The following MIS18BP1 variants were observed in gnomAD, a reference collection of about 807,000 sequenced individuals.
MIS18BP1 encodes the protein mis18-binding protein 1.
Under a neutral mutation model 116.1 loss-of-function variants are expected in MIS18BP1, and 72 were observed. The ratio of observed to expected loss-of-function variants is 0.62; its 90% CI spans 0.51 to 0.75. The LOEUF is 0.75. MIS18BP1 is among the 30% of genes least tolerant of loss of function. MIS18BP1 has a pLI of 0.00. For synonymous variants in MIS18BP1, 386 were observed against 427.0 expected, an observed-to-expected ratio of 0.90 and a Z score of 1.18; for missense variants, 1,363 against 1,303.2, an observed-to-expected ratio of 1.05 and a Z score of -0.71.
intron 13 of MIS18BP1, among the ~76,000 whole-genome samples, chr14:45,215,936 C>T (rs544954454): frequency 6.6e-6 from 1 of 151,864 alleles, no homozygotes; most frequent in Admixed American, 6.6e-5. Flanking sequence ...GATCTCCTGA[C>T]CTCGTGATCT....
intron 4 of MIS18BP1, among the ~76,000 whole-genome samples, chr14:45,241,027 G>A (rs561401436): frequency 2.0e-5 from 3 of 152,284 alleles, no homozygotes; most frequent in East Asian, 1.9e-4. Flanking sequence ...AATTTAGATG[G>A]CTACAAGGGA....
chr14:45,226,184 A>G (rs1475059843), intron 10 of MIS18BP1, among the ~76,000 whole-genome samples: 1 of 152,204 alleles, frequency 6.6e-6, no homozygotes, highest in Non-Finnish European at 1.5e-5. Flanking sequence ...CTTAAACCGA[A>G]TATGAACTCG....
Position 45,242,201 on chromosome 14 carries a change from C to T in MIS18BP1, c.976G>A (p.Val326Met). 6.2e-7 allele frequency: 1 copy of T among 1,614,110 alleles called. No individual in the cohort carries two copies. ...CCTGGAAGACCTGTCTCTCCAGGCA[C>T]TGTTTTTCCATTTCCTTCCTTAACT... ...QKVKEGNGKT[V>M]PGETGLPGSM... Residue 326 changes from valine to methionine, a missense_variant, in exon 4 of 17, where the codon GTG becomes ATG. Physicochemically the swap from Val to Met is conservative, Grantham distance 21. Coordinates refer to ENST00000310806, the MANE Select transcript of MIS18BP1 (RefSeq NM_018353.5).
rs758382342 is a variant in MIS18BP1 at position 45,224,421 on chromosome 14, G to A, written c.2166C>T (p.Val722=). The change falls in exon 11 of 17, where the codon GTC becomes GTT. Residue 722 remains valine, a synonymous_variant. Coordinates refer to ENST00000310806, the MANE Select transcript of MIS18BP1 (RefSeq NM_018353.5). ...GGTTAGATATTTTTATTTTCCGGTT[G>A]ACAGTAAGTAAGTCACGTTCATCGC... is the stretch of plus-strand genomic sequence containing the variant. The part of the protein sequence containing the change: ...EDCDERDLLT[V]NRKIKISNLE... 8.1e-6 allele frequency: 13 copies of A among 1,613,812 alleles called. No individual in the cohort carries two copies. In the South Asian group the frequency reaches 1.3e-4, roughly 16 times the overall value.
chr14:45,244,633 G>A (rs1891677541), intron 2 of MIS18BP1, among the ~76,000 whole-genome samples: 1 of 152,148 alleles, frequency 6.6e-6, no homozygotes, highest in African/African-American at 2.4e-5. Context: ...ATATTTACTG[G>A]TTCCATTTTA....
intron 11 of MIS18BP1, among the ~76,000 whole-genome samples, chr14:45,219,335 A>AT (rs1351335534): frequency 3.9e-5 from 6 of 152,206 alleles, no homozygotes; most frequent in Non-Finnish European, 7.3e-5. Context: ...AACAGTCCTG[A>AT]TTTATAAAGT....
intron 16 of MIS18BP1, 75 bp from the exon 17 acceptor site, chr14:45,204,287 G>C: frequency 6.5e-7 from 1 of 1,534,724 alleles, no homozygotes. Flanking sequence ...CAACTATAAG[G>C]AATAAAATGC....
intron 14 of MIS18BP1, among the ~76,000 whole-genome samples, chr14:45,209,652 G>A (rs1031774252): frequency 5.3e-5 from 8 of 152,136 alleles, no homozygotes; most frequent in African/African-American, 1.9e-4. Context: ...TAATGGACCA[G>A]AGTTCATTTA....
At chr14:45,221,765 A>G (rs1890983251) in intron 11 of MIS18BP1, among the ~76,000 whole-genome samples, 1 of 152,196 alleles carries the variant, frequency 6.6e-6, no homozygotes, top group African/African-American at 2.4e-5. Context: ...CGAATGACTG[A>G]TGGTGTTGTT....
In MIS18BP1 at chr14:45,232,719, A is replaced by G. The variant is rs1277454244; in HGVS notation, c.1436+14T>C. Reference sequence around the variant, plus strand: ...AATAAAGTTGACTTCTAAAAACATAAAACAACATTTTACCTTAATTGTTCC... The same window carrying G: ...AATAAAGTTGACTTCTAAAAACATAGAACAACATTTTACCTTAATTGTTCC... On this transcript the variant is annotated intron_variant, in intron 7 of 16. Transcript: ENST00000310806. 4 of 1,354,426 alleles carry G rather than the reference A, an allele frequency of 3.0e-6. No individual in the cohort carries two copies. The highest frequency in any genetic ancestry group is 4.1e-6 in the Non-Finnish European group (4 of 979,676). 83.9% of individuals were successfully genotyped at this position (1,354,426 alleles called of 1,614,324 possible).
chr14:45,240,133 T>C (rs1891536233), intron 4 of MIS18BP1, among the ~76,000 whole-genome samples: 1 of 151,902 alleles, frequency 6.6e-6, no homozygotes, highest in Non-Finnish European at 1.5e-5. Flanking sequence ...AGCATAGAGA[T>C]GGAATTTAAA....
chr14:45,236,587 T>G (rs762797731), intron 5 of MIS18BP1, among the ~76,000 whole-genome samples: 19 of 152,206 alleles, frequency 1.2e-4, no homozygotes, highest in Non-Finnish European at 2.5e-4. Flanking sequence ...ATGATAAGCA[T>G]GACGAATAAG....
chr14:45,251,992 C>T (rs1284448393), intron 1 of MIS18BP1, among the ~76,000 whole-genome samples: 1 of 152,152 alleles, frequency 6.6e-6, no homozygotes, highest in Non-Finnish European at 1.5e-5. Context: ...TGAATATTTA[C>T]ATGCCAGCCA....
chr14:45,234,171 G>A (rs535380999), intron 6 of MIS18BP1, among the ~76,000 whole-genome samples: 1 of 152,034 alleles, frequency 6.6e-6, no homozygotes, highest in Non-Finnish European at 1.5e-5. Context: ...GAGGCCACTG[G>A]TGACTTTGAT....
intron 7 of MIS18BP1, chr14:45,232,515 C>G (rs1449381295): frequency 2.0e-6 from 1 of 492,792 alleles, no homozygotes; most frequent in African/African-American, 2.0e-5. Flanking sequence ...GTACCTCAGG[C>G]CAGGCACAGT....
intron 5 of MIS18BP1, 141 bp from the exon 6 acceptor site, chr14:45,236,085 G>T: frequency 2.6e-6 from 2 of 778,444 alleles, no homozygotes; most frequent in Non-Finnish European, 4.0e-6. Flanking sequence ...AAACATTACA[G>T]CAGAACTCAA....
rs1268301176 is a variant in MIS18BP1, at chr14:45,242,521, G to A, written c.659-3C>T. ...TTCTTGGTTCAGAGTTGGAAGTTCT[G>A]CAAAAAATACAAAACAAAACAAAAC... On this transcript the variant is annotated splice_polypyrimidine_tract_variant and splice_region_variant and intron_variant, in intron 3 of 16. Coordinates refer to ENST00000310806, the MANE Select transcript of MIS18BP1 (RefSeq NM_018353.5). The A allele has an allele frequency of 1.9e-6, 3 of 1,567,244 alleles. No homozygotes were observed. In the African/African-American group the frequency reaches 4.2e-5, roughly 22 times the overall value.
At chr14:45,225,394 T>C (rs1891096405) in intron 10 of MIS18BP1, among the ~76,000 whole-genome samples, 1 of 152,168 alleles carries the variant, frequency 6.6e-6, no homozygotes, top group Non-Finnish European at 1.5e-5. Flanking sequence ...TGATTTTTTT[T>C]TTTGCTGGAG....
intron 4 of MIS18BP1, among the ~76,000 whole-genome samples, chr14:45,238,608 C>T (rs551508490): frequency 4.6e-5 from 7 of 152,120 alleles, no homozygotes; most frequent in Non-Finnish European, 7.4e-5. Flanking sequence ...GTCGGGAGAA[C>T]TGTTTGAGCC....
Sources: allele counts gnomAD v4.1 joint callset (sites outside exome capture counted in the v4.1 genomes callset), GRCh38; gene constraint gnomAD v4.1.1; transcripts MANE v1.5; gene names NCBI Gene and HGNC (gene_info 2026-07-23, HGNC 2026-07-21).